Variants in SORD observed in about 807,000 individuals in gnomAD.
SORD encodes (R,R)-butanediol dehydrogenase.
Under a neutral mutation model 35.6 loss-of-function variants are expected in SORD, and 18 were observed. That is an observed-to-expected ratio of 0.51 (90% CI 0.35 to 0.75). SORD has a LOEUF of 0.75. SORD is among the 30% of genes least tolerant of loss of function. The pLI is 0.01. For missense variants in SORD, 250 were observed against 390.2 expected (o/e 0.64, Z 3.03); for synonymous variants, 106 against 152.9 (o/e 0.69, Z 2.26).
intron 1 of SORD, among the ~76,000 whole-genome samples, chr15:45,028,170 T>C (rs550186519): frequency 2.6e-5 from 4 of 152,152 alleles, no homozygotes; most frequent in Admixed American, 1.3e-4. Flanking sequence ...CTACTAAAAA[T>C]ACAAAAATTA....
At chr15:45,050,858 C>T (rs973839116) in intron 3 of SORD, among the ~76,000 whole-genome samples, 1 of 152,158 alleles carries the variant, frequency 6.6e-6, no homozygotes, top group Non-Finnish European at 1.5e-5. Flanking sequence ...AAGAAAAATT[C>T]CCTTGACTCT....
chr15:45,034,013 G>A (rs1892820942), intron 1 of SORD, among the ~76,000 whole-genome samples: 1 of 152,190 alleles, frequency 6.6e-6, no homozygotes, highest in African/African-American at 2.4e-5. Flanking sequence ...GCGCTGTGCA[G>A]GAGCAAAACA....
intron 3 of SORD, among the ~76,000 whole-genome samples, chr15:45,059,880 G>A (rs192731136): frequency 6.6e-6 from 1 of 152,292 alleles, no homozygotes; most frequent in East Asian, 1.9e-4. Context: ...AGTATCTACT[G>A]TATGATCCCA....
At chr15:45,048,386 A>G (rs1404631528) in intron 3 of SORD, among the ~76,000 whole-genome samples, 2 of 152,164 alleles carry the variant, frequency 1.3e-5, no homozygotes, top group Non-Finnish European at 2.9e-5. Context: ...AGGCATTCCC[A>G]TCCTTGATGA....
At chr15:45,043,809 T>C (rs1893004711) in intron 3 of SORD, among the ~76,000 whole-genome samples, 1 of 148,410 alleles carries the variant, frequency 6.7e-6, no homozygotes, top group Admixed American at 6.6e-5. Context: ...TTGGATATAA[T>C]GTTTGCTTTT....
At chr15:45,035,643 CTG>C (rs1892853120) in intron 1 of SORD, among the ~76,000 whole-genome samples, 1 of 152,186 alleles carries the variant, frequency 6.6e-6, no homozygotes, top group Admixed American at 6.5e-5. Context: ...CCCTTCCACA[CTG>C]TGGAAGCTTT....
chr15:45,059,754 C>G (rs1213524109), intron 3 of SORD, among the ~76,000 whole-genome samples: 2 of 152,194 alleles, frequency 1.3e-5, no homozygotes, highest in Non-Finnish European at 2.9e-5. Context: ...TCCCAAAGTG[C>G]TGGGATTATG....
In SORD at chr15:45,065,340, C is replaced by T; in HGVS notation, c.495C>T (p.Cys165=). Residue 165 remains cysteine (C), a synonymous_variant, in exon 5 of 9, where the codon TGC becomes TGT. Transcript: ENST00000267814. ...CACTTTCTGTGGGGATCCATGCCTG[C>T]AGGAGAGGCGGAGTTACCCTGGGAC... The part of the protein sequence containing the change: ...IEPLSVGIHA[C]RRGGVTLGHK... 4 of 1,613,836 alleles carry T rather than the reference C, an allele frequency of 2.5e-6. No individual in the cohort carries two copies. The highest frequency in any genetic ancestry group is 1.1e-5 in the South Asian group (1 of 91,070).
chr15:45,067,222 C>T (rs1353041653), intron 5 of SORD, among the ~76,000 whole-genome samples: 3 of 151,976 alleles, frequency 2.0e-5, no homozygotes, highest in East Asian at 3.9e-4. Flanking sequence ...ATTAGCCAGG[C>T]GTGGTGGTGG....
intron 3 of SORD, among the ~76,000 whole-genome samples, chr15:45,057,417 T>C (rs902284760): frequency 6.6e-6 from 1 of 152,260 alleles, no homozygotes; most frequent in African/African-American, 2.4e-5. Context: ...GAAATTTTCA[T>C]GAACAATCCA....
At chr15:45,042,620 A>G (rs1892986146) in intron 2 of SORD, 1 of 152,940 alleles carries the variant, frequency 6.5e-6, no homozygotes, top group African/African-American at 2.4e-5. Context: ...TCTCATAAAT[A>G]GATACGAATC....
intron 3 of SORD, among the ~76,000 whole-genome samples, chr15:45,049,775 G>A (rs747407458): frequency 3.3e-5 from 5 of 152,122 alleles, no homozygotes; most frequent in African/African-American, 4.8e-5. Context: ...GCCAGAGATC[G>A]CTGATTGGTT....
chr15:45,072,480 A>C, intron 8 of SORD, 42 bp downstream of exon 8: 2 of 380,070 alleles, frequency 5.3e-6, no homozygotes, highest in Admixed American at 1.4e-4. Context: ...AGCCTCCAGC[A>C]AGACCATGGC....
intron 1 of SORD, among the ~76,000 whole-genome samples, chr15:45,029,288 T>G (rs1416681917): frequency 6.6e-6 from 1 of 152,270 alleles, no homozygotes; most frequent in African/African-American, 2.4e-5. Flanking sequence ...AGGCAATGCC[T>G]TTGTCTGTGA....
At chr15:45,037,874 C>T (rs1201536060) in intron 1 of SORD, among the ~76,000 whole-genome samples, 1 of 151,534 alleles carries the variant, frequency 6.6e-6, no homozygotes, top group Non-Finnish European at 1.5e-5. Flanking sequence ...ACCTAGGTGA[C>T]AGGTTGATAG....
intron 5 of SORD, among the ~76,000 whole-genome samples, chr15:45,067,636 T>C (rs1893428313): frequency 6.6e-6 from 1 of 152,158 alleles, no homozygotes; most frequent in South Asian, 2.1e-4. Flanking sequence ...GAAGCAGGTG[T>C]CTCAGGCAAA....
intron 7 of SORD, among the ~76,000 whole-genome samples, 172 bp downstream of exon 7, chr15:45,069,224 T>TTTTTTG (rs1491439138): frequency 1.6e-5 from 2 of 128,884 alleles, no homozygotes; most frequent in Non-Finnish European, 3.1e-5. Flanking sequence ...TTTTTTTTTT[T>TTTTTTG]GAGACAGAGT....
At chr15:45,038,274 C>A (rs1320704931) in intron 1 of SORD, among the ~76,000 whole-genome samples, 1 of 152,092 alleles carries the variant, frequency 6.6e-6, no homozygotes, top group African/African-American at 2.4e-5. Context: ...GCTTTGGATG[C>A]AGCTCCACCA....
intron 1 of SORD, among the ~76,000 whole-genome samples, chr15:45,039,440 T>G (rs890256942): frequency 5.3e-5 from 8 of 152,220 alleles, no homozygotes; most frequent in Admixed American, 5.2e-4. Flanking sequence ...ATCTCTTTTC[T>G]TGATTACCTT....
Sources: gnomAD v4.1 joint callset for allele counts (sites outside exome capture counted in the v4.1 genomes callset) on GRCh38, gnomAD v4.1.1 for gene constraint, MANE v1.5 for transcripts, NCBI Gene and HGNC (gene_info 2026-07-23, HGNC 2026-07-21) for gene names.